The following TDRD10 variants were observed in gnomAD, a reference collection of about 807,000 sequenced individuals.
The protein encoded by TDRD10 is tudor domain-containing protein 10.
A neutral mutation model predicts 48.0 loss-of-function variants in TDRD10; 40 were observed. The observed-to-expected ratio is 0.83, with a 90% CI of 0.65 to 1.09. TDRD10 has a LOEUF of 1.09. TDRD10 is among the 50% of genes least tolerant of loss of function. The probability of loss-of-function intolerance (pLI) is 0.00; values close to 1 mark genes in which losing one functional copy is unlikely to be tolerated. For synonymous variants in TDRD10, 162 were observed against 170.4 expected (o/e 0.95, Z 0.38); for missense variants, 378 against 434.7 (o/e 0.87, Z 1.16).
intron 4 of TDRD10, among the ~76,000 whole-genome samples, chr1:154,512,813 T>C (rs957574635): frequency 4.6e-5 from 7 of 152,238 alleles, no homozygotes; most frequent in African/African-American, 1.7e-4. Flanking sequence ...GGAGCTGTTA[T>C]ACCAGAAAGC....
At chr1:154,539,988 G>T (rs1480478792) in intron 6 of TDRD10, among the ~76,000 whole-genome samples, 1 of 152,194 alleles carries the variant, frequency 6.6e-6, no homozygotes, top group African/African-American at 2.4e-5. Flanking sequence ...TGGGTGAAGG[G>T]GAGGGGAGTA....
intron 5 of TDRD10, 97 bp downstream of exon 5, chr1:154,520,471 C>G: frequency 1.1e-6 from 1 of 915,490 alleles, no homozygotes; most frequent in Non-Finnish European, 1.8e-6. Flanking sequence ...GCCCAGCAAC[C>G]GCCACGTCCA....
At chr1:154,529,512 C>T (rs1694490335) in intron 6 of TDRD10, among the ~76,000 whole-genome samples, 1 of 150,878 alleles carries the variant, frequency 6.6e-6, no homozygotes, top group Non-Finnish European at 1.5e-5. Flanking sequence ...ATTTTTGCAC[C>T]AACCTAATAT....
Position 154,547,825 on chromosome 1 carries a change from T to C in TDRD10, c.*115T>C. ...GCCTGGGAGGTGAAAAAGGCCAGAC[T>C]GTGCCCAGGATTGATTCAATTTTGC... On this transcript the variant is annotated 3_prime_UTR_variant, in exon 13 of 13. Transcript: ENST00000368482. 2.3e-6 allele frequency: 3 copies of C among 1,318,306 alleles called. No individual in the cohort carries two copies. The highest frequency in any genetic ancestry group is 3.7e-5 in the Admixed American group (2 of 54,664). 81.7% of individuals were successfully genotyped at this position (1,318,306 alleles called of 1,614,324 possible). A position where few individuals can be genotyped will look rare whatever the true frequency, so the allele number is the denominator to read the frequency against.
At chr1:154,507,912 C>T (rs1163582753) in intron 3 of TDRD10, among the ~76,000 whole-genome samples, 1 of 152,182 alleles carries the variant, frequency 6.6e-6, no homozygotes, top group Non-Finnish European at 1.5e-5. Flanking sequence ...CTGCATTCCC[C>T]TGGGCCCCTG....
chr1:154,510,021 G>C (rs1366576975), intron 4 of TDRD10, among the ~76,000 whole-genome samples: 4 of 152,120 alleles, frequency 2.6e-5, no homozygotes, highest in Non-Finnish European at 5.9e-5. Flanking sequence ...GAAAGCGGCA[G>C]CCCCTACCCA....
At position 154,547,805 on chromosome 1, in the gene TDRD10, G is replaced by T. The variant is rs1188725556; in HGVS notation, c.*95G>T. 6.6e-7 allele frequency: 1 copy of T among 1,519,280 alleles called. No individual in the cohort carries two copies. Among genetic ancestry groups the T allele is most frequent in the East Asian group, 2.3e-5 (1 of 44,438 alleles). 94.1% of individuals were successfully genotyped at this position (1,519,280 alleles called of 1,614,324 possible). ...GTACCCCTTTCACTCTTGAGGCCTGGGAGGTGAAAAAGGCCAGACTGTGCC... is the reference window on the plus strand; with the variant it reads ...GTACCCCTTTCACTCTTGAGGCCTGTGAGGTGAAAAAGGCCAGACTGTGCC... On this transcript the variant is annotated 3_prime_UTR_variant, in exon 13 of 13. Transcript: ENST00000368482.
intron 4 of TDRD10, among the ~76,000 whole-genome samples, chr1:154,514,056 G>A (rs571540497): frequency 6.6e-6 from 1 of 152,172 alleles, no homozygotes; most frequent in African/African-American, 2.4e-5. Flanking sequence ...CAGACACGGT[G>A]GCGGGTGCCT....
chr1:154,538,779 G>T (rs1197252603), intron 6 of TDRD10, among the ~76,000 whole-genome samples: 1 of 104,738 alleles, frequency 9.5e-6, no homozygotes, highest in Non-Finnish European at 2.2e-5. Context: ...TATGAACCTG[G>T]GAGGCAGAGC....
intron 6 of TDRD10, among the ~76,000 whole-genome samples, chr1:154,538,630 G>A (rs1305373487): frequency 6.6e-6 from 1 of 150,794 alleles, no homozygotes; most frequent in Non-Finnish European, 1.5e-5. Context: ...GAGGCGGGCG[G>A]ATCATGAGGT....
At chr1:154,503,715 T>C (rs1692964941) in intron 1 of TDRD10, among the ~76,000 whole-genome samples, 1 of 152,242 alleles carries the variant, frequency 6.6e-6, no homozygotes. Context: ...TGACCAACAC[T>C]GAGTCCTCAT....
intron 6 of TDRD10, among the ~76,000 whole-genome samples, chr1:154,527,602 A>G (rs1010348576): frequency 3.3e-5 from 5 of 152,222 alleles, no homozygotes; most frequent in African/African-American, 9.6e-5. Context: ...ACTGGATATG[A>G]TCTCAGATAG....
At chr1:154,517,685 A>C (rs994035399) in intron 4 of TDRD10, among the ~76,000 whole-genome samples, 9 of 152,096 alleles carry the variant, frequency 5.9e-5, no homozygotes, top group Non-Finnish European at 1.2e-4. Flanking sequence ...GCCTTCCAAA[A>C]TGCTAGGATT....
intron 8 of TDRD10, 35 bp from the exon 9 acceptor site, chr1:154,543,928 C>A: frequency 6.2e-7 from 1 of 1,611,214 alleles, no homozygotes; most frequent in South Asian, 1.1e-5. Flanking sequence ...TTGGTCCAGT[C>A]GTTCCTTTCC....
Position 154,512,356 on chromosome 1 carries a change from GT to G in TDRD10, c.141+3880del, listed in dbSNP as rs546295801. On this transcript the variant is annotated intron_variant, in intron 4 of 12. Transcript: ENST00000368482. ...TTTGTTGTTGTTGTTGTTTGTTTTT[GT>G]TTTTAAGACGGAGTTTCACTCTTGT... is the stretch of plus-strand genomic sequence containing the variant. Among the ~76,000 whole-genome samples, 85 of 152,008 alleles carry G rather than the reference GT, an allele frequency of 5.6e-4. 2 individuals are homozygous for G. The South Asian group carries it at 0.016, about 29-fold the overall frequency.
intron 8 of TDRD10, among the ~76,000 whole-genome samples, chr1:154,543,439 A>C (rs952988166): frequency 6.6e-6 from 1 of 152,212 alleles, no homozygotes; most frequent in Non-Finnish European, 1.5e-5. Flanking sequence ...AGAGTGCCAG[A>C]ATACTCAGTT....
At chr1:154,513,768 T>C (rs1292318290) in intron 4 of TDRD10, among the ~76,000 whole-genome samples, 1 of 152,216 alleles carries the variant, frequency 6.6e-6, no homozygotes, top group African/African-American at 2.4e-5. Context: ...ATATAGGGAA[T>C]AGAAGACCAA....
chr1:154,506,976 T>C, intron 2 of TDRD10, 71 bp downstream of exon 2: 1 of 1,613,860 alleles, frequency 6.2e-7, no homozygotes, highest in Non-Finnish European at 8.5e-7. Context: ...CCCATTCCTG[T>C]CTCACCATGC....
chr1:154,541,933 T>C (rs1406299478), intron 6 of TDRD10, 91 bp from the exon 7 acceptor site: 3 of 1,327,320 alleles, frequency 2.3e-6, no homozygotes, highest in Admixed American at 1.9e-5. Context: ...GCCGATGCTC[T>C]GTCTCCCAGT....
Sources: allele counts gnomAD v4.1 joint callset (sites outside exome capture counted in the v4.1 genomes callset), GRCh38; gene constraint gnomAD v4.1.1; transcripts MANE v1.5; gene names NCBI Gene and HGNC (gene_info 2026-07-23, HGNC 2026-07-21).